Variants in NPC1 observed in about 807,000 individuals in gnomAD.
NPC1 encodes the protein Niemann-Pick C1 protein.
NPC1 carries 85 observed loss-of-function variants against 140.4 expected under a neutral mutation model. That is an observed-to-expected ratio of 0.61 (90% CI 0.51 to 0.72). The LOEUF is 0.72. Among genes scored for constraint, NPC1 ranks in the 30% least tolerant of loss-of-function variants. The pLI is 0.00. For missense variants in NPC1, 1,504 were observed against 1,623.8 expected, an observed-to-expected ratio of 0.93 and a Z score of 1.27; for synonymous variants, 656 against 624.8, an observed-to-expected ratio of 1.05 and a Z score of -0.74.
chr18:23,566,527 T>A (rs2059126254), intron 4 of NPC1, among the ~76,000 whole-genome samples: 1 of 151,928 alleles, frequency 6.6e-6, no homozygotes, highest in Non-Finnish European at 1.5e-5. Context: ...GGAGGATCAC[T>A]TAAGGCCAGG....
intron 10 of NPC1, among the ~76,000 whole-genome samples, chr18:23,550,137 G>A (rs1460977371): frequency 2.6e-5 from 4 of 151,758 alleles, no homozygotes; most frequent in East Asian, 1.9e-4. Context: ...TCAGCCTCCC[G>A]AGTAGCTGGG....
rs1567944315 is a variant in NPC1, at chr18:23,534,566, T to TA, written c.3478-8dup. 6.2e-7 allele frequency: 1 copy of TA among 1,608,580 alleles called. No homozygotes were observed. The highest frequency in any genetic ancestry group is 1.3e-5 in the African/African-American group (1 of 74,806). On this transcript the variant is annotated splice_region_variant and splice_polypyrimidine_tract_variant and intron_variant, in intron 22 of 24. Coordinates refer to ENST00000269228, the MANE Select transcript of NPC1 (RefSeq NM_000271.5). ...CCACGGAGATGCCACAGCTCTGAAA[T>TA]AAAGCACTTCCTTTAGGATGGCTCT...
intron 9 of NPC1, among the ~76,000 whole-genome samples, 158 bp downstream of exon 9, chr18:23,554,600 T>G (rs1021393472): frequency 6.6e-5 from 7 of 106,654 alleles, no homozygotes; most frequent in Non-Finnish European, 1.1e-4. Context: ...AGCGAGACCC[T>G]GTCTCAAAAA....
rs1355151756 is a variant in NPC1, at chr18:23,560,290, G to A, written c.822C>T (p.Ile274=). 1.2e-6 allele frequency: 2 copies of A among 1,614,120 alleles called. No homozygotes were observed. Among genetic ancestry groups the A allele is most frequent in the East Asian group, 2.2e-5 (1 of 44,878 alleles). ...GLDAMYVIMW[I]TYMAFLLVFF... ...ACACAAGCAAAAACGCCATGTAGGT[G>A]ATCCACATGATGACATACATGGCGT... The change falls in exon 6 of 25, where the codon ATC becomes ATT. Residue 274 remains isoleucine, a synonymous_variant. Coordinates refer to ENST00000269228, the MANE Select transcript of NPC1 (RefSeq NM_000271.5).
Position 23,551,625 on chromosome 18 carries a change from A to T in NPC1, c.1654+2T>A. 1 of 1,605,522 alleles carries T rather than the reference A, an allele frequency of 6.2e-7. No individual in the cohort carries two copies. The highest frequency in any genetic ancestry group is 8.5e-7 in the Non-Finnish European group (1 of 1,172,172). On this transcript the variant is annotated splice_donor_variant, in intron 10 of 24. Transcript: ENST00000269228. LOFTEE classifies it high-confidence loss of function. ...GGAAAAGTCAAAGCTTCTCTTACTT[A>T]CCATCATAGCCTCCCAACACAAGCC...
chr18:23,555,161 C>A (rs184854453), intron 8 of NPC1, among the ~76,000 whole-genome samples, 177 bp from the exon 9 acceptor site: 7 of 152,322 alleles, frequency 4.6e-5, no homozygotes, highest in Non-Finnish European at 7.4e-5. Context: ...AGGCCACAGG[C>A]CCACTCTAAC....
downstream of NPC1, chr18:23,529,498 C>A (rs140603233): frequency 3.2e-6 from 4 of 1,238,030 alleles, no homozygotes; most frequent in South Asian, 1.4e-5. Context: ...GGTTCTGGAG[C>A]GATGTGTGCA....
At chr18:23,567,312 C>T (rs1280890758) in intron 4 of NPC1, among the ~76,000 whole-genome samples, 2 of 152,130 alleles carry the variant, frequency 1.3e-5, no homozygotes, top group African/African-American at 2.4e-5. Flanking sequence ...GTGTTGAAAG[C>T]GTCTTGAATT....
At chr18:23,512,130 C>T (rs2057877634) in intron 3 of NPC1, among the ~76,000 whole-genome samples, 1 of 151,326 alleles carries the variant, frequency 6.6e-6, no homozygotes, top group Non-Finnish European at 1.5e-5. Context: ...AAGCAATTCT[C>T]CTGCCTCAGC....
At chr18:23,554,686 C>T (rs1383754187) in intron 9 of NPC1, 72 bp downstream of exon 9, 1 of 1,150,230 alleles carries the variant, frequency 8.7e-7, no homozygotes, top group African/African-American at 1.5e-5. Context: ...GCTCATAAAA[C>T]AAGCTTTTGC....
downstream of NPC1, among the ~76,000 whole-genome samples, chr18:23,525,748 G>A (rs1395254830): frequency 6.6e-6 from 1 of 152,062 alleles, no homozygotes; most frequent in Non-Finnish European, 1.5e-5. Flanking sequence ...GTAGAGACAG[G>A]GTCTTGCCAT....
At chr18:23,543,689 C>A in intron 13 of NPC1, 120 bp from the exon 14 acceptor site, 1 of 679,436 alleles carries the variant, frequency 1.5e-6, no homozygotes, top group Non-Finnish European at 2.6e-6. Flanking sequence ...TTAGCAGTGT[C>A]TTCTAAGCAT....
At position 23,586,315 on chromosome 18, in the gene NPC1, A is replaced by G; in HGVS notation, c.29T>C (p.Leu10Pro). 1 of 1,534,074 alleles carries G rather than the reference A, an allele frequency of 6.5e-7. No individual in the cohort carries two copies. The change falls in exon 1 of 25, where the codon CTC becomes CCC. Residue 10 changes from leucine to proline, a missense_variant. Physicochemically the swap from Leu to Pro is moderately conservative, Grantham distance 98. Transcript: ENST00000269228. MTARGLALGLLLLLLCPAQV... is the reference protein window; with the variant it reads MTARGLALGPLLLLLCPAQV... ...CGCTGGACACAGTAGCAGCAGGAGG[A>G]GGCCAAGGGCCAGGCCGCGAGCGGT...
At chr18:23,548,675 C>A (rs1272527004) in intron 10 of NPC1, among the ~76,000 whole-genome samples, 1 of 152,190 alleles carries the variant, frequency 6.6e-6, no homozygotes, top group Non-Finnish European at 1.5e-5. Context: ...GCCAATCCCC[C>A]CCAACTGATG....
rs1304860522 is a variant in NPC1 at position 23,559,771 on chromosome 18, G to GA, written c.881+459dup. On this transcript the variant is annotated intron_variant, in intron 6 of 24. Coordinates refer to ENST00000269228, the MANE Select transcript of NPC1 (RefSeq NM_000271.5). ...TGGAGATCAGCCTGGCCAACACGGT[G>GA]AAACCCCGTCTCTACTAAAAATACA... 9.9e-5 allele frequency among the ~76,000 whole-genome samples: 15 copies of GA among 152,188 alleles called. No homozygotes were observed. In the East Asian group the frequency reaches 2.9e-3, roughly 30 times the overall value.
chr18:23,579,110 CCCTT>C (rs2059327377), intron 1 of NPC1, among the ~76,000 whole-genome samples: 1 of 152,352 alleles, frequency 6.6e-6, no homozygotes, highest in South Asian at 2.1e-4. Context: ...TAACTGCCTA[CCCTT>C]CCTTCCTTCT....
chr18:23,551,293 TA>T (rs2058868516), intron 10 of NPC1, among the ~76,000 whole-genome samples: 2 of 152,192 alleles, frequency 1.3e-5, no homozygotes, highest in Middle Eastern at 3.2e-3. Flanking sequence ...ATGAGCTCCC[TA>T]GAGGGTCTAT....
intron 24 of NPC1, chr18:23,532,763 C>T (rs906860016): frequency 1.6e-5 from 6 of 372,422 alleles, no homozygotes; most frequent in South Asian, 1.1e-4. Context: ...TTCTATCCCC[C>T]GGAGATGATA....
At chr18:23,577,040 G>C (rs919016128) in intron 1 of NPC1, 11 of 152,216 alleles carry the variant, frequency 7.2e-5, no homozygotes, top group African/African-American at 2.7e-4. Context: ...TTTTGTCAGG[G>C]TGCTGATTGG....
Sources: allele counts gnomAD v4.1 joint callset (sites outside exome capture counted in the v4.1 genomes callset), GRCh38; gene constraint gnomAD v4.1.1; transcripts MANE v1.5; gene names NCBI Gene and HGNC (gene_info 2026-07-23, HGNC 2026-07-21).